Variants in NRDC observed in about 807,000 individuals in gnomAD.
NRDC encodes nardilysin convertase, also known as nardilysin.
A neutral mutation model predicts 147.1 loss-of-function variants in NRDC; 54 were observed. The observed-to-expected ratio is 0.37, with a 90% CI of 0.29 to 0.46. NRDC has a LOEUF of 0.46. NRDC is among the 20% of genes least tolerant of loss of function. NRDC has a pLI of 1.00. For synonymous variants in NRDC, 440 were observed against 482.1 expected, an observed-to-expected ratio of 0.91 and a Z score of 1.14; for missense variants, 1,082 against 1,370.6, an observed-to-expected ratio of 0.79 and a Z score of 3.33.
intron 16 of NRDC, among the ~76,000 whole-genome samples, chr1:51,810,047 GT>G (rs1052866789): frequency 1.3e-5 from 2 of 152,146 alleles, no homozygotes; most frequent in Non-Finnish European, 2.9e-5. Flanking sequence ...CTAAAACTAA[GT>G]CAAAACTCTG....
At chr1:51,832,298 C>T (rs1424283504) in intron 4 of NRDC, among the ~76,000 whole-genome samples, 1 of 152,082 alleles carries the variant, frequency 6.6e-6, no homozygotes, top group Non-Finnish European at 1.5e-5. Flanking sequence ...CCGCCCACCT[C>T]GGCCCCCCAA....
intron 11 of NRDC, 169 bp downstream of exon 11, chr1:51,816,143 T>G: frequency 2.7e-6 from 1 of 371,192 alleles, no homozygotes; most frequent in Non-Finnish European, 4.9e-6. Flanking sequence ...TACACAAATA[T>G]AATATGGCCA....
intron 2 of NRDC, chr1:51,839,984 A>C: frequency 3.0e-6 from 1 of 338,210 alleles, no homozygotes; most frequent in East Asian, 5.7e-5. Context: ...TCTGAGAGAT[A>C]TAGCTATGGG....
At chr1:51,846,102 T>A (rs1681559412) in intron 1 of NRDC, among the ~76,000 whole-genome samples, 1 of 151,294 alleles carries the variant, frequency 6.6e-6, no homozygotes. Context: ...TACAAAGATA[T>A]TTTACACTTT....
Position 51,814,736 on chromosome 1 carries a change from A to T in NRDC, c.1517T>A (p.Ile506Asn). 1 of 1,612,056 alleles carries T rather than the reference A, an allele frequency of 6.2e-7. No homozygotes were observed. The highest frequency in any genetic ancestry group is 8.5e-7 in the Non-Finnish European group (1 of 1,179,280). Residue 506 changes from isoleucine to asparagine, a missense_variant, in exon 12 of 31, where the codon ATT (isoleucine) becomes AAT (asparagine). Physicochemically the swap from Ile to Asn is moderately radical, Grantham distance 149. Around this residue, in one of 3 missense-constraint regions of NRDC, gnomAD observed 635 missense variants for 923.8 expected, o/e 0.69. Coordinates refer to ENST00000352171, the MANE Select transcript of NRDC (RefSeq NM_001101662.2). ...ACCCTCATCAGTCAATGTAATAGAAATGCTGAACACTGAATAAGTAGAATT... is the reference window on the plus strand; with the variant it reads ...ACCCTCATCAGTCAATGTAATAGAATTGCTGAACACTGAATAAGTAGAATT... ...EQNSTYSVFS[I>N]SITLTDEGYE... is the part of the protein sequence containing the mutation.
Position 51,810,559 on chromosome 1 carries a change from A to C in NRDC, c.1780-155T>G, listed in dbSNP as rs1423040410. Among the ~76,000 whole-genome samples the C allele has an allele frequency of 4.6e-5, 7 of 152,246 alleles. No individual in the cohort carries two copies. In the East Asian group the frequency reaches 1.3e-3, roughly 29 times the overall value. ...ACACCCTAATTTACAAAGTCTCAAC[A>C]GTGTTTCAAAAACTTTTTTCCTACT... is the stretch of plus-strand genomic sequence containing the variant. On this transcript the variant is annotated intron_variant, in intron 15 of 30. Coordinates refer to ENST00000352171, the MANE Select transcript of NRDC (RefSeq NM_001101662.2).
chr1:51,871,515 TAAAAAAAAAAAAAAAAAAA>T (rs60495773), intron 1 of NRDC, among the ~76,000 whole-genome samples: 2 of 20,974 alleles, frequency 9.5e-5, no homozygotes, highest in African/African-American at 3.1e-4. Flanking sequence ...ACTGGTTCAT[TAAAAAAAAAAAAAAAAAAA>T]AAAAAAAAAA....
rs1680134664 is a variant in NRDC at position 51,819,873 on chromosome 1, A to G, written c.1218T>C (p.Asn406=). 1 of 1,604,306 alleles carries G rather than the reference A, an allele frequency of 6.2e-7. No homozygotes were observed. The highest frequency in any genetic ancestry group is 1.3e-5 in the African/African-American group (1 of 74,828). The change falls in exon 9 of 31, where the codon AAT becomes AAC. Residue 406 remains asparagine, a splice_region_variant and synonymous_variant. Coordinates refer to ENST00000352171, the MANE Select transcript of NRDC (RefSeq NM_001101662.2). The part of the protein sequence containing the change: ...VTEIFSQIPN[N]GLPRPNFGHL... ...GGCCAAAGTTTGGTCTGGGTAACCC[A>G]CTGAAAATAAAACAAATACATACAA...
intron 1 of NRDC, among the ~76,000 whole-genome samples, chr1:51,855,302 C>G (rs1442806864): frequency 6.6e-6 from 1 of 152,130 alleles, no homozygotes; most frequent in Admixed American, 6.6e-5. Context: ...AAAATAAATG[C>G]CTTCCTTTCT....
At position 51,790,909 on chromosome 1, in the gene NRDC, G is replaced by A; in HGVS notation, c.3042C>T (p.Phe1014=). 1 of 1,613,160 alleles carries A rather than the reference G, an allele frequency of 6.2e-7. No homozygotes were observed. Among genetic ancestry groups the A allele is most frequent in the South Asian group, 1.1e-5 (1 of 90,994 alleles). Residue 1014 remains phenylalanine, a synonymous_variant, in exon 28 of 31, where the codon TTC becomes TTT. Transcript: ENST00000352171. The part of the protein sequence containing the change: ...EKIENLTEEA[F]NTQVTALIKL... ...AGGCTGGCACAGTCACCTGGGTGTT[G>A]AATGCCTCTTCAGTGAGGTTCTCAA...
At chr1:51,839,706 T>C (rs996278182) in intron 2 of NRDC, among the ~76,000 whole-genome samples, 38 of 152,288 alleles carry the variant, frequency 2.5e-4, no homozygotes, top group Admixed American at 6.5e-4. Context: ...TGCGTTCCCA[T>C]ATAAAGTGCT....
intron 1 of NRDC, among the ~76,000 whole-genome samples, chr1:51,847,166 A>G (rs1681676578): frequency 6.6e-6 from 1 of 152,226 alleles, no homozygotes; most frequent in Non-Finnish European, 1.5e-5. Context: ...TGGTGAATTC[A>G]CAAACCCTGA....
rs1255716141 is a variant in NRDC at position 51,823,812 on chromosome 1, G to A, written c.1037-26C>T. On this transcript the variant is annotated intron_variant, in intron 6 of 30. Coordinates refer to ENST00000352171, the MANE Select transcript of NRDC (RefSeq NM_001101662.2). ...CTATAAAAGAATGAAAAAAATTATAGATATAACTAAGTTAACTTTGTTAAA... is the reference window on the plus strand; with the variant it reads ...CTATAAAAGAATGAAAAAAATTATAAATATAACTAAGTTAACTTTGTTAAA... 1.9e-6 allele frequency: 3 copies of A among 1,541,814 alleles called. No homozygotes were observed. The Admixed American group carries it at 5.6e-5, about 29-fold the overall frequency.
chr1:51,872,430 G>A lies in NRDC; in HGVS notation c.341+5845C>T, dbSNP rs1055070046. On this transcript the variant is annotated intron_variant, in intron 1 of 30. Coordinates refer to ENST00000352171, the MANE Select transcript of NRDC (RefSeq NM_001101662.2). The stretch of plus-strand genomic sequence containing the variant: ...CACTTTAAAGAAATCAGTCAGGCCC[G>A]GTGCAGTGGCTCATGCCAGTACTCC... 5.9e-5 allele frequency among the ~76,000 whole-genome samples: 9 copies of A among 152,132 alleles called. No individual in the cohort carries two copies. The East Asian group carries it at 1.5e-3, about 26-fold the overall frequency.
chr1:51,848,484 A>AAATAATAAT (rs764980061), intron 1 of NRDC, among the ~76,000 whole-genome samples: 40 of 152,044 alleles, frequency 2.6e-4, no homozygotes, highest in African/African-American at 9.4e-4. Flanking sequence ...CCGTCTCAAA[A>AAATAATAAT]AATAATAATA....
chr1:51,871,657 C>A (rs1462335615), intron 1 of NRDC, among the ~76,000 whole-genome samples: 1 of 150,434 alleles, frequency 6.6e-6, no homozygotes, highest in Non-Finnish European at 1.5e-5. Flanking sequence ...AGTTAACTTG[C>A]TAAAGGTCAC....
chr1:51,877,850 T>C (rs1264420576), intron 1 of NRDC: 1 of 219,366 alleles, frequency 4.6e-6, no homozygotes, highest in African/African-American at 2.3e-5. Context: ...CGTCCACTAG[T>C]TTCACCTATC....
At chr1:51,792,178 T>A (rs186292487) in intron 25 of NRDC, 80 bp from the exon 26 acceptor site, 43 of 1,574,376 alleles carry the variant, frequency 2.7e-5, no homozygotes, top group Admixed American at 6.7e-5. Flanking sequence ...GTGTTTCACA[T>A]ACCTCCCAAG....
intron 11 of NRDC, among the ~76,000 whole-genome samples, chr1:51,815,186 T>C (rs901324795): frequency 1.2e-4 from 15 of 124,612 alleles, no homozygotes; most frequent in South Asian, 2.4e-4. Context: ...TTTTTTCTTT[T>C]TTTTTTTTTT....
Sources: gnomAD v4.1 joint callset for allele counts (sites outside exome capture counted in the v4.1 genomes callset) on GRCh38, gnomAD v4.1.1 for gene constraint, gnomAD v4.1.1 regional missense constraint, MANE v1.5 for transcripts, NCBI Gene and HGNC (gene_info 2026-07-23, HGNC 2026-07-21) for gene names.